Variants in AK5 observed in about 807,000 individuals in gnomAD.
AK5 encodes adenylate kinase isoenzyme 5.
AK5 carries 27 observed loss-of-function variants against 69.5 expected under a neutral mutation model. The observed-to-expected ratio is 0.39, with a 90% CI of 0.29 to 0.54. The LOEUF (loss-of-function observed/expected upper bound fraction) is 0.54. Ranked by LOEUF, AK5 falls within the 20% of genes least tolerant of loss-of-function variation. The pLI is 0.71. For missense variants in AK5, 531 were observed against 700.4 expected, an observed-to-expected ratio of 0.76 and a Z score of 2.73; for synonymous variants, 260 against 244.4, an observed-to-expected ratio of 1.06 and a Z score of -0.60.
chr1:77,423,794 G>A (rs1651010207), intron 8 of AK5, among the ~76,000 whole-genome samples: 1 of 151,232 alleles, frequency 6.6e-6, no homozygotes, highest in Non-Finnish European at 1.5e-5. Context: ...TGAATATCTG[G>A]AAAAATTCCC....
At position 77,417,172 on chromosome 1, in the gene AK5, A is replaced by AC. The variant is rs573769067; in HGVS notation, c.983-463dup. Among the ~76,000 whole-genome samples, 8 of 151,920 alleles carry AC rather than the reference A, an allele frequency of 5.3e-5. No homozygotes were observed. In the South Asian group the frequency reaches 1.7e-3, roughly 32 times the overall value. ...AACTTAGCCCTTCCTGTTTCTGGAA[A>AC]CCCCTTACTCTCCTCCCACTCTGTA... On this transcript the variant is annotated intron_variant, in intron 7 of 13. Coordinates refer to ENST00000354567, the MANE Select transcript of AK5 (RefSeq NM_174858.3).
At chr1:77,440,233 G>A (rs1307610918) in intron 8 of AK5, among the ~76,000 whole-genome samples, 1 of 152,074 alleles carries the variant, frequency 6.6e-6, no homozygotes, top group African/African-American at 2.4e-5. Flanking sequence ...ATTTCTGAAG[G>A]GTAGTTTTGT....
chr1:77,303,805 T>C (rs2799561), intron 5 of AK5, among the ~76,000 whole-genome samples: 23,499 of 152,224 alleles, frequency 0.15, 2,207 homozygotes, highest in Non-Finnish European at 0.2. Context: ...TTCCAGCTGA[T>C]TGGAAGGGGA....
intron 13 of AK5, among the ~76,000 whole-genome samples, chr1:77,544,834 A>G (rs1349241286): frequency 6.6e-6 from 1 of 152,224 alleles, no homozygotes; most frequent in Non-Finnish European, 1.5e-5. Context: ...TAATATAGGA[A>G]ATACATAAAC....
At chr1:77,391,432 C>T (rs1280024762) in intron 6 of AK5, among the ~76,000 whole-genome samples, 31 of 95,532 alleles carry the variant, frequency 3.2e-4, no homozygotes, top group Admixed American at 2.9e-3. Context: ...TATATATATA[C>T]ATATATACAT....
chr1:77,410,867 C>A (rs1649996378), intron 6 of AK5, 114 bp from the exon 7 acceptor site: 3 of 768,596 alleles, frequency 3.9e-6, no homozygotes, highest in Admixed American at 5.0e-5. Flanking sequence ...GCTTTAATTC[C>A]TGTTGTTCTG....
intron 6 of AK5, among the ~76,000 whole-genome samples, chr1:77,343,109 A>G (rs1661739800): frequency 6.6e-6 from 1 of 152,316 alleles, no homozygotes; most frequent in East Asian, 1.9e-4. Flanking sequence ...CTGTTGAGTT[A>G]TGTGTTATAA....
intron 6 of AK5, among the ~76,000 whole-genome samples, chr1:77,363,151 C>G (rs954290005): frequency 1.3e-5 from 2 of 152,114 alleles, no homozygotes; most frequent in Admixed American, 6.5e-5. Context: ...CAGACTGACC[C>G]CCTGCCTTCT....
intron 6 of AK5, among the ~76,000 whole-genome samples, chr1:77,342,579 T>C (rs1229800471): frequency 2.0e-5 from 3 of 152,084 alleles, no homozygotes; most frequent in African/African-American, 7.2e-5. Flanking sequence ...TGGAAAGCAA[T>C]GAACGCAAAC....
intron 3 of AK5, among the ~76,000 whole-genome samples, chr1:77,295,940 A>G (rs1408023567): frequency 6.6e-6 from 1 of 152,134 alleles, no homozygotes; most frequent in Non-Finnish European, 1.5e-5. Flanking sequence ...TTGTTTCCCA[A>G]AGTTATGATT....
chr1:77,413,315 C>A (rs780340047), intron 7 of AK5, among the ~76,000 whole-genome samples: 1 of 152,134 alleles, frequency 6.6e-6, no homozygotes, highest in Admixed American at 6.6e-5. Context: ...CCCATAGAGC[C>A]CCATCCTGCA....
chr1:77,390,362 A>C (rs1229861099), intron 6 of AK5, among the ~76,000 whole-genome samples: 1 of 152,242 alleles, frequency 6.6e-6, no homozygotes, highest in Non-Finnish European at 1.5e-5. Flanking sequence ...TTACTAGAGC[A>C]CATATTTCAC....
chr1:77,421,375 A>G (rs1369691120), intron 8 of AK5, among the ~76,000 whole-genome samples: 1 of 152,172 alleles, frequency 6.6e-6, no homozygotes, highest in Non-Finnish European at 1.5e-5. Context: ...CTAGGATTCA[A>G]ATCCAGCTGT....
In AK5 at chr1:77,484,539, A is replaced by C. The variant is rs535247039; in HGVS notation, c.1102+1180A>C. On this transcript the variant is annotated intron_variant, in intron 9 of 13. Coordinates refer to ENST00000354567, the MANE Select transcript of AK5 (RefSeq NM_174858.3). ...ATCTTGGTGATTCATGAGGAGAGGT[A>C]CAAATATATGAGCCATAACTTAGCT... Among the ~76,000 whole-genome samples the C allele has an allele frequency of 7.9e-5, 12 of 152,334 alleles. 2 individuals carry two copies. In the South Asian group the frequency reaches 2.5e-3, roughly 32 times the overall value.
At chr1:77,526,974 C>T (rs1010035694) in intron 12 of AK5, among the ~76,000 whole-genome samples, 9 of 152,056 alleles carry the variant, frequency 5.9e-5, no homozygotes, top group Non-Finnish European at 1.0e-4. Context: ...CAGAACTTAA[C>T]GCCTATGGGG....
chr1:77,386,095 A>G (rs1648006287), intron 6 of AK5, among the ~76,000 whole-genome samples: 1 of 152,202 alleles, frequency 6.6e-6, no homozygotes, highest in Admixed American at 6.5e-5. Flanking sequence ...TGGAATAGTC[A>G]TAACCTTGCT....
intron 8 of AK5, among the ~76,000 whole-genome samples, chr1:77,470,438 G>A (rs1654391735): frequency 1.3e-5 from 2 of 152,170 alleles, no homozygotes; most frequent in African/African-American, 4.8e-5. Flanking sequence ...CTGGGAGGCG[G>A]AGGTTGCAGT....
rs544559309 is a variant in AK5 at position 77,489,960 on chromosome 1, T to C, written c.1147+3608T>C. 9.9e-5 allele frequency among the ~76,000 whole-genome samples: 15 copies of C among 152,252 alleles called. No homozygotes were observed. The South Asian group carries it at 2.7e-3, about 27-fold the overall frequency. On this transcript the variant is annotated intron_variant, in intron 10 of 13. Transcript: ENST00000354567. ...TATTAATCATGCCCCAAGGTCAGGGTTAAGTTCTAGCTCCCTGAGAACTCC... is the reference window on the plus strand; with the variant it reads ...TATTAATCATGCCCCAAGGTCAGGGCTAAGTTCTAGCTCCCTGAGAACTCC...
At chr1:77,452,769 AAAC>A (rs1172338745) in intron 8 of AK5, among the ~76,000 whole-genome samples, 1 of 152,254 alleles carries the variant, frequency 6.6e-6, no homozygotes, top group African/African-American at 2.4e-5. Context: ...GAGCTTCTAG[AAAC>A]AACAATATTA....
Sources: gnomAD v4.1 joint callset for allele counts (sites outside exome capture counted in the v4.1 genomes callset) on GRCh38, gnomAD v4.1.1 for gene constraint, MANE v1.5 for transcripts, NCBI Gene and HGNC (gene_info 2026-07-23, HGNC 2026-07-21) for gene names.